The following PSMA1 variants were observed in gnomAD, a reference collection of about 807,000 sequenced individuals.
PSMA1 encodes the protein proteasome subunit alpha type-1.
A neutral mutation model predicts 38.4 loss-of-function variants in PSMA1; 3 were observed. That is an observed-to-expected ratio of 0.08 (90% CI 0.04 to 0.20). The LOEUF is 0.20. Ranked by LOEUF, PSMA1 falls within the 10% of genes least tolerant of loss-of-function variation. The pLI, the probability that PSMA1 is intolerant of heterozygous loss-of-function variation, is 1.00. For synonymous variants in PSMA1, 101 were observed against 107.1 expected, an observed-to-expected ratio of 0.94 and a Z score of 0.35; for missense variants, 227 against 325.3, an observed-to-expected ratio of 0.70 and a Z score of 2.32.
In PSMA1 at chr11:14,576,364, T is replaced by C. The variant is rs1489253045; in HGVS notation, c.21+34602A>G. Among the ~76,000 whole-genome samples, 9 of 152,238 alleles carry C rather than the reference T, an allele frequency of 5.9e-5. No homozygotes were observed. In the South Asian group the frequency reaches 1.4e-3, roughly 24 times the overall value. On this transcript the variant is annotated intron_variant, in intron 2 of 10. Transcript: ENST00000418988. ...CATGAAGTCCTTGCACATGCCTATGTCCTGAATGGTATTGCCTAGGTTTTC... is the reference window on the plus strand; with the variant it reads ...CATGAAGTCCTTGCACATGCCTATGCCCTGAATGGTATTGCCTAGGTTTTC...
intron 2 of PSMA1, among the ~76,000 whole-genome samples, chr11:14,530,870 C>G (rs934551635): frequency 9.8e-5 from 13 of 132,280 alleles, no homozygotes; most frequent in Middle Eastern, 5.4e-3. Context: ...CCACTGCACT[C>G]TAGCTTGGGC....
intron 2 of PSMA1, among the ~76,000 whole-genome samples, chr11:14,572,036 G>A (rs1852149179): frequency 6.6e-6 from 1 of 152,156 alleles, no homozygotes; most frequent in South Asian, 2.1e-4. Context: ...GACCTACAAA[G>A]AGACTTAGAC....
chr11:14,507,554 C>T, intron 9 of PSMA1, 102 bp downstream of exon 9: 1 of 785,598 alleles, frequency 1.3e-6, no homozygotes, highest in Admixed American at 2.6e-5. Flanking sequence ...AATTATGGGC[C>T]CATTTCAATA....
At chr11:14,524,022 C>A (rs1398367871), upstream of PSMA1, among the ~76,000 whole-genome samples, 2 of 145,280 alleles carry the variant, frequency 1.4e-5, no homozygotes, top group African/African-American at 2.6e-5. Flanking sequence ...CACCTGTAAT[C>A]CCGACACTTT....
intron 2 of PSMA1, among the ~76,000 whole-genome samples, chr11:14,539,035 G>A (rs1255103732): frequency 6.6e-6 from 1 of 152,200 alleles, no homozygotes; most frequent in Non-Finnish European, 1.5e-5. Context: ...AAGTACCTTT[G>A]GAAATCTTAC....
At chr11:14,535,788 T>A (rs1365782482) in intron 2 of PSMA1, among the ~76,000 whole-genome samples, 3 of 152,312 alleles carry the variant, frequency 2.0e-5, no homozygotes, top group East Asian at 1.9e-4. Context: ...GGATTTTTTT[T>A]ATTCTAAAAA....
At chr11:14,520,583 C>T (rs540616865), upstream of PSMA1, 227 of 933,544 alleles carry the variant, frequency 2.4e-4, no homozygotes, top group African/African-American at 3.6e-3. Context: ...CGGGGCAGCC[C>T]CTGTCACGTA....
chr11:14,593,840 T>A (rs911470153), intron 2 of PSMA1, among the ~76,000 whole-genome samples: 2 of 152,216 alleles, frequency 1.3e-5, no homozygotes, highest in Admixed American at 1.3e-4. Flanking sequence ...TTCATTCTCT[T>A]TCTTCCTCTT....
At chr11:14,569,474 G>C (rs948366976) in intron 2 of PSMA1, among the ~76,000 whole-genome samples, 4 of 152,206 alleles carry the variant, frequency 2.6e-5, no homozygotes, top group African/African-American at 7.2e-5. Flanking sequence ...GGGAAGCCAT[G>C]ACAGACGGTA....
chr11:14,507,644 A>T lies in PSMA1; in HGVS notation c.735+12T>A. The T allele has an allele frequency of 6.5e-7, 1 of 1,539,926 alleles. No individual in the cohort carries two copies. Among genetic ancestry groups the T allele is most frequent in the Non-Finnish European group, 9.0e-7 (1 of 1,114,626 alleles). On this transcript the variant is annotated intron_variant, in intron 9 of 9. Coordinates refer to ENST00000396394, the MANE Select transcript of PSMA1 (RefSeq NM_002786.4). ...CAATAGAACTAAAGCCTCTTGTGTT[A>T]TGATTATATACCTGTGCCTTTCTCT...
chr11:14,562,069 C>A (rs1693469222), intron 2 of PSMA1, among the ~76,000 whole-genome samples: 2 of 152,198 alleles, frequency 1.3e-5, no homozygotes, highest in South Asian at 4.1e-4. Flanking sequence ...CCGCTTCTAC[C>A]TTTAAGACTG....
chr11:14,582,281 T>C (rs1050144226), intron 2 of PSMA1, among the ~76,000 whole-genome samples: 3 of 152,178 alleles, frequency 2.0e-5, no homozygotes, highest in Non-Finnish European at 4.4e-5. Flanking sequence ...TAGATCGATT[T>C]AGACAATTTA....
At chr11:14,538,420 C>A (rs1851735070) in intron 2 of PSMA1, among the ~76,000 whole-genome samples, 1 of 152,210 alleles carries the variant, frequency 6.6e-6, no homozygotes, top group Non-Finnish European at 1.5e-5. Context: ...GCCTTCCCTG[C>A]ATCCAGATGG....
chr11:14,593,224 GA>G (rs2134189435), intron 2 of PSMA1, among the ~76,000 whole-genome samples: 1 of 152,262 alleles, frequency 6.6e-6, no homozygotes, highest in East Asian at 1.9e-4. Flanking sequence ...GCCCAGATTT[GA>G]ACACAGGCAT....
At chr11:14,631,290 C>T (rs1193798917) in intron 1 of PSMA1, among the ~76,000 whole-genome samples, 1 of 152,044 alleles carries the variant, frequency 6.6e-6, no homozygotes, top group African/African-American at 2.4e-5. Context: ...CCTGCTTTCT[C>T]TTGTGGGCAT....
At chr11:14,592,939 C>A (rs1852441660) in intron 2 of PSMA1, among the ~76,000 whole-genome samples, 1 of 152,186 alleles carries the variant, frequency 6.6e-6, no homozygotes, top group Non-Finnish European at 1.5e-5. Flanking sequence ...TTACTTTTCT[C>A]ATATTACTTG....
At chr11:14,591,896 T>C (rs1312596814) in intron 2 of PSMA1, among the ~76,000 whole-genome samples, 3 of 152,132 alleles carry the variant, frequency 2.0e-5, no homozygotes, top group African/African-American at 7.2e-5. Flanking sequence ...AGGTTTGTTC[T>C]TTTGGTCTTT....
Position 14,519,077 on chromosome 11 carries a change from G to T in PSMA1, c.4-36C>A, listed in dbSNP as rs761267380. The T allele has an allele frequency of 4.8e-6, 7 of 1,469,184 alleles. No individual in the cohort carries two copies. In the East Asian group the frequency reaches 9.1e-5, roughly 19 times the overall value. 91.0% of individuals were successfully genotyped at this position (1,469,184 alleles called of 1,614,324 possible). A position where few individuals can be genotyped will look rare whatever the true frequency, so the allele number is the denominator to read the frequency against. On this transcript the variant is annotated intron_variant, in intron 1 of 9. Transcript: ENST00000396394. ...AAGAAAAAAATACCTGTTAATAGAA[G>T]AACATTTCAAATCCCAACTCTTAAC...
chr11:14,605,369 G>C (rs1852630632), intron 2 of PSMA1, among the ~76,000 whole-genome samples: 1 of 152,020 alleles, frequency 6.6e-6, no homozygotes, highest in Non-Finnish European at 1.5e-5. Context: ...GTCTGTTCAT[G>C]TCTTTTTTGT....
Sources: allele counts gnomAD v4.1 joint callset (sites outside exome capture counted in the v4.1 genomes callset), GRCh38; gene constraint gnomAD v4.1.1; transcripts MANE v1.5; gene names NCBI Gene and HGNC (gene_info 2026-07-23, HGNC 2026-07-21).